MIPEP: variants seen among roughly 807,000 people sequenced by gnomAD.
The protein encoded by MIPEP is mitochondrial intermediate peptidase.
MIPEP carries 79 observed loss-of-function variants against 90.3 expected under a neutral mutation model. The observed-to-expected ratio is 0.87, with a 90% confidence interval of 0.73 to 1.05. The LOEUF (loss-of-function observed/expected upper bound fraction) is 1.05. MIPEP is among the 50% of genes least tolerant of loss of function. MIPEP has a pLI of 0.00. For synonymous variants in MIPEP, 334 were observed against 315.8 expected, an observed-to-expected ratio of 1.06 and a Z score of -0.61; for missense variants, 940 against 905.6, an observed-to-expected ratio of 1.04 and a Z score of -0.49.
At chr13:23,833,979 C>G (rs1049287363) in intron 14 of MIPEP, among the ~76,000 whole-genome samples, 12 of 152,094 alleles carry the variant, frequency 7.9e-5, no homozygotes, top group African/African-American at 2.9e-4. Flanking sequence ...TTGGCCTGAC[C>G]CTGCGGAACC....
intron 7 of MIPEP, among the ~76,000 whole-genome samples, 182 bp from the exon 8 acceptor site, chr13:23,864,371 G>A (rs1055937016): frequency 6.6e-6 from 1 of 152,042 alleles, no homozygotes; most frequent in South Asian, 2.1e-4. Flanking sequence ...AGGTGATGAC[G>A]ATCTTTTAAT....
chr13:23,769,671 G>T (rs1482443189), intron 16 of MIPEP, among the ~76,000 whole-genome samples: 1 of 152,172 alleles, frequency 6.6e-6, no homozygotes, highest in Non-Finnish European at 1.5e-5. Flanking sequence ...TGGGGAATCA[G>T]GCAGCCAGCA....
chr13:23,763,815 C>T (rs375072264), intron 16 of MIPEP, among the ~76,000 whole-genome samples: 2 of 152,208 alleles, frequency 1.3e-5, no homozygotes, highest in South Asian at 4.1e-4. Flanking sequence ...TTCAGGACTA[C>T]ACCTCAAGAC....
rs547153393 is a variant in MIPEP, at chr13:23,794,395, G to T, written c.1848+11555C>A. Among the ~76,000 whole-genome samples the T allele has an allele frequency of 1.8e-3, 271 of 152,172 alleles. 1 individual carries two copies. Among genetic ancestry groups the T allele is most frequent in the African/African-American group, 6.3e-3 (260 of 41,520 alleles). Reference sequence around the variant, plus strand: ...CTGGAGCCTTCCTCATATTGCTAACGCTGCCTTAACTCCCTGTTGGTGATA... The same window carrying T: ...CTGGAGCCTTCCTCATATTGCTAACTCTGCCTTAACTCCCTGTTGGTGATA... On this transcript the variant is annotated intron_variant, in intron 16 of 18. Transcript: ENST00000382172.
chr13:23,885,342 C>T (rs894925504), intron 2 of MIPEP, among the ~76,000 whole-genome samples: 1 of 151,614 alleles, frequency 6.6e-6, no homozygotes, highest in Non-Finnish European at 1.5e-5. Context: ...TTAATGGCTA[C>T]AAAAAAACAG....
At chr13:23,834,547 G>A (rs994241884) in intron 14 of MIPEP, among the ~76,000 whole-genome samples, 1 of 152,226 alleles carries the variant, frequency 6.6e-6, no homozygotes, top group African/African-American at 2.4e-5. Context: ...AATGCAGACT[G>A]GTAAATATTA....
At chr13:23,852,929 G>T (rs997863073) in intron 10 of MIPEP, among the ~76,000 whole-genome samples, 4 of 151,160 alleles carry the variant, frequency 2.6e-5, no homozygotes, top group African/African-American at 9.7e-5. Context: ...TTTGTGTCTT[G>T]GTTTATAACA....
chr13:23,779,200 G>A (rs1430990759), intron 16 of MIPEP, among the ~76,000 whole-genome samples: 3 of 152,168 alleles, frequency 2.0e-5, no homozygotes, highest in Non-Finnish European at 2.9e-5. Context: ...ATCAGCTGAG[G>A]ACAAACAGAA....
At chr13:23,825,017 CCATT>C (rs2137434547) in intron 14 of MIPEP, among the ~76,000 whole-genome samples, 1 of 152,240 alleles carries the variant, frequency 6.6e-6, no homozygotes, top group East Asian at 1.9e-4. Context: ...CAGTTTGCGT[CCATT>C]ATTAAATTTG....
At chr13:23,742,612 A>C (rs1256632262) in intron 18 of MIPEP, among the ~76,000 whole-genome samples, 2 of 152,206 alleles carry the variant, frequency 1.3e-5, no homozygotes, top group Non-Finnish European at 2.9e-5. Context: ...GTTGCTTACT[A>C]TTTTTGCACA....
At chr13:23,753,181 T>C (rs987907339) in intron 18 of MIPEP, among the ~76,000 whole-genome samples, 5 of 147,706 alleles carry the variant, frequency 3.4e-5, no homozygotes, top group Non-Finnish European at 7.4e-5. Context: ...TGAGGGGAGA[T>C]CGTGCCACTG....
At chr13:23,877,965 T>G (rs7336730) in intron 4 of MIPEP, among the ~76,000 whole-genome samples, 82,065 of 151,918 alleles carry the variant, frequency 0.54, 22,359 homozygotes, top group South Asian at 0.72. Context: ...TATTTAAAAA[T>G]CCCTATTGGC....
chr13:23,804,138 G>T (rs1484003199), intron 16 of MIPEP, among the ~76,000 whole-genome samples: 2 of 152,168 alleles, frequency 1.3e-5, no homozygotes, highest in African/African-American at 4.8e-5. Flanking sequence ...ATATTTGTAT[G>T]TTAAATGATT....
At chr13:23,825,028 T>C (rs1255456861) in intron 14 of MIPEP, among the ~76,000 whole-genome samples, 1 of 152,226 alleles carries the variant, frequency 6.6e-6, no homozygotes, top group Non-Finnish European at 1.5e-5. Context: ...CATTATTAAA[T>C]TTGTCCAAAA....
At chr13:23,797,982 T>G (rs1429024090) in intron 16 of MIPEP, among the ~76,000 whole-genome samples, 2 of 152,228 alleles carry the variant, frequency 1.3e-5, no homozygotes, top group East Asian at 3.8e-4. Flanking sequence ...AAAAGGCTAT[T>G]TCGAATACAG....
At chr13:23,861,697 T>C (rs903266541) in intron 9 of MIPEP, among the ~76,000 whole-genome samples, 1 of 152,080 alleles carries the variant, frequency 6.6e-6, no homozygotes, top group African/African-American at 2.4e-5. Context: ...TAGAACCAAA[T>C]GGGAATGAGT....
intron 16 of MIPEP, among the ~76,000 whole-genome samples, chr13:23,804,963 G>A (rs7987066): frequency 0.034 from 5,158 of 152,182 alleles, 315 homozygotes; most frequent in African/African-American, 0.12. Flanking sequence ...CAGTCTGGGG[G>A]GATTGCCAGA....
intron 10 of MIPEP, among the ~76,000 whole-genome samples, chr13:23,842,925 C>T (rs2137465854): frequency 6.6e-6 from 1 of 151,816 alleles, no homozygotes; most frequent in South Asian, 2.1e-4. Flanking sequence ...TGGTGAAACC[C>T]CGTCTCTACT....
chr13:23,872,567 G>A (rs922123529), intron 5 of MIPEP, among the ~76,000 whole-genome samples: 5 of 152,118 alleles, frequency 3.3e-5, no homozygotes, highest in Non-Finnish European at 7.4e-5. Context: ...TCTCTCTTTT[G>A]AAAAATGGAA....
Sources: allele counts gnomAD v4.1 joint callset (sites outside exome capture counted in the v4.1 genomes callset), GRCh38; gene constraint gnomAD v4.1.1; transcripts MANE v1.5; gene names NCBI Gene and HGNC (gene_info 2026-07-23, HGNC 2026-07-21).